PACRG: variants seen among roughly 807,000 people sequenced by gnomAD.
PACRG encodes the protein parkin coregulated gene protein.
In PACRG, 29 loss-of-function variants were observed where a neutral mutation model predicts 29.7. The ratio of observed to expected loss-of-function variants is 0.98; its 90% CI spans 0.73 to 1.33. The LOEUF is 1.33. PACRG is among the 40% of genes most tolerant of loss of function. The pLI is 0.00. For missense variants in PACRG, 279 were observed against 316.2 expected, an observed-to-expected ratio of 0.88 and a Z score of 0.89; for synonymous variants, 116 against 118.7, an observed-to-expected ratio of 0.98 and a Z score of 0.15.
Position 163,055,541 on chromosome 6 carries a change from T to G in PACRG, c.292-6609T>G, listed in dbSNP as rs1810502208. On this transcript the variant is annotated intron_variant, in intron 2 of 4. Transcript: ENST00000366888. This position sits in a 1 kb window ranked among gnomAD's most constrained non-coding sequence, Gnocchi z 4.0. ...GGAAGATATGTAAAAGGAATTTACA[T>G]ACAAAAAATCATCCTGTAGGAAGTA... 6.6e-6 allele frequency among the ~76,000 whole-genome samples: 1 copy of G among 152,212 alleles called. No individual in the cohort carries two copies. Among genetic ancestry groups the G allele is most frequent in the South Asian group, 2.1e-4 (1 of 4,838 alleles).
rs565726206 is a variant in PACRG, at chr6:163,077,436, C to T, written c.464-11823C>T. Among the ~76,000 whole-genome samples the T allele has an allele frequency of 1.1e-3, 163 of 152,190 alleles. 1 individual carries two copies. The highest frequency in any genetic ancestry group is 3.7e-3 in the African/African-American group (153 of 41,506). ...CGTGCACAGACACAGCGGAAGAAACCTGAGCAAGAACATTTTACCAAGCAA... is the reference window on the plus strand; with the variant it reads ...CGTGCACAGACACAGCGGAAGAAACTTGAGCAAGAACATTTTACCAAGCAA... On this transcript the variant is annotated intron_variant, in intron 3 of 4. Coordinates refer to ENST00000366888, the MANE Select transcript of PACRG (RefSeq NM_001080379.2).
At chr6:162,794,929 A>G (rs1785247907) in intron 1 of PACRG, among the ~76,000 whole-genome samples, 1 of 152,162 alleles carries the variant, frequency 6.6e-6, no homozygotes, top group Non-Finnish European at 1.5e-5. Context: ...TGGAAAAAAG[A>G]GAAAGTGAAT....
intron 1 of PACRG, among the ~76,000 whole-genome samples, chr6:162,731,458 A>T (rs79956583): frequency 1.1e-3 from 168 of 152,200 alleles, no homozygotes; most frequent in African/African-American, 3.9e-3. Context: ...GAGCATTTAT[A>T]TTGTTTTAGA....
At position 162,878,259 on chromosome 6, in the gene PACRG, TGA is replaced by T. The variant is rs1333751931; in HGVS notation, c.291+63981_291+63982del. 2.6e-5 allele frequency among the ~76,000 whole-genome samples: 4 copies of T among 152,216 alleles called. No individual in the cohort carries two copies. In the East Asian group the frequency reaches 7.7e-4, roughly 29 times the overall value. On this transcript the variant is annotated intron_variant, in intron 2 of 4. Transcript: ENST00000366888. ...AAAAATTGACATTATGACACAGAAA[TGA>T]GATATTAAATTATAACAACAGTTTT...
At chr6:162,941,627 C>G (rs1481974677) in intron 2 of PACRG, among the ~76,000 whole-genome samples, 1 of 152,082 alleles carries the variant, frequency 6.6e-6, no homozygotes, top group African/African-American at 2.4e-5. Flanking sequence ...CTTTAAGCCT[C>G]GCTGATTATT....
At chr6:162,947,583 C>A (rs1165596010) in intron 2 of PACRG, among the ~76,000 whole-genome samples, 1 of 42,040 alleles carries the variant, frequency 2.4e-5, no homozygotes, top group Non-Finnish European at 4.1e-5. Context: ...CATATATAAT[C>A]ATATATATAA....
At chr6:163,282,881 C>G (rs1784266334) in intron 4 of PACRG, among the ~76,000 whole-genome samples, 1 of 152,224 alleles carries the variant, frequency 6.6e-6, no homozygotes, top group African/African-American at 2.4e-5. Context: ...GCTCAATCAT[C>G]AAGCCCTTCT....
intron 2 of PACRG, among the ~76,000 whole-genome samples, chr6:162,904,040 G>A (rs1045605952): frequency 6.6e-6 from 1 of 152,198 alleles, no homozygotes; most frequent in African/African-American, 2.4e-5. Flanking sequence ...GAAATCCGCA[G>A]GGCAGACTGA....
At chr6:162,802,155 T>A (rs1463359322) in intron 1 of PACRG, among the ~76,000 whole-genome samples, 1 of 152,208 alleles carries the variant, frequency 6.6e-6, no homozygotes, top group Non-Finnish European at 1.5e-5. Flanking sequence ...GGTATTTTTA[T>A]CTCTTCTCCT....
At chr6:163,049,615 G>C (rs2128245883) in intron 2 of PACRG, among the ~76,000 whole-genome samples, 1 of 152,052 alleles carries the variant, frequency 6.6e-6, no homozygotes, top group Non-Finnish European at 1.5e-5. Context: ...CAATGCCTCA[G>C]TAGAGAAAAA....
chr6:162,778,153 G>A (rs758982891), intron 1 of PACRG, among the ~76,000 whole-genome samples: 20 of 152,166 alleles, frequency 1.3e-4, no homozygotes, highest in African/African-American at 2.4e-4. Context: ...AGAATTGCAC[G>A]ATGCACGGTG....
rs573796732 is a variant in PACRG at position 162,750,213 on chromosome 6, T to C, written c.156+21822T>C. Among the ~76,000 whole-genome samples the C allele has an allele frequency of 7.5e-4, 114 of 152,322 alleles. 2 individuals are homozygous for C. The highest frequency in any genetic ancestry group is 3.4e-3 in the Middle Eastern group (1 of 294). ...TTCACATTTTATAAGAAACCATAAATTTTATTTCAGCCTTAGGCCAACCGC... is the reference window on the plus strand; with the variant it reads ...TTCACATTTTATAAGAAACCATAAACTTTATTTCAGCCTTAGGCCAACCGC... On this transcript the variant is annotated intron_variant, in intron 1 of 4. Transcript: ENST00000366888.
intron 2 of PACRG, among the ~76,000 whole-genome samples, chr6:162,978,736 A>C (rs1046837266): frequency 1.3e-5 from 2 of 152,344 alleles, no homozygotes; most frequent in Non-Finnish European, 2.9e-5. Context: ...GAAAATAGTG[A>C]TTATAATAGA....
intron 2 of PACRG, among the ~76,000 whole-genome samples, chr6:162,932,654 T>G (rs1411540992): frequency 2.6e-5 from 4 of 151,954 alleles, no homozygotes; most frequent in African/African-American, 9.7e-5. Context: ...TTTCTAGGTT[T>G]CTAATTTGTA....
chr6:163,025,723 T>C (rs1037448394), intron 2 of PACRG, among the ~76,000 whole-genome samples: 6 of 152,186 alleles, frequency 3.9e-5, no homozygotes, highest in Non-Finnish European at 7.3e-5. Flanking sequence ...AACCAGAAGG[T>C]GCTGAGGGGC....
intron 4 of PACRG, among the ~76,000 whole-genome samples, chr6:163,300,031 AT>A (rs1784927276): frequency 2.0e-5 from 3 of 152,210 alleles, no homozygotes. Flanking sequence ...ACTAAGTGGA[AT>A]GACCTATCCG....
chr6:163,256,291 C>T (rs1276074059), intron 4 of PACRG, among the ~76,000 whole-genome samples: 1 of 152,184 alleles, frequency 6.6e-6, no homozygotes, highest in African/African-American at 2.4e-5. Flanking sequence ...GTTTAACAAA[C>T]ACATGCTGAG....
chr6:162,826,597 G>A, intron 2 of PACRG, among the ~76,000 whole-genome samples: 1 of 151,676 alleles, frequency 6.6e-6, no homozygotes, highest in East Asian at 1.9e-4. Flanking sequence ...CCAAGTAGCT[G>A]GAATTACAGG....
At chr6:162,914,260 T>C (rs1453963486) in intron 2 of PACRG, among the ~76,000 whole-genome samples, 1 of 152,118 alleles carries the variant, frequency 6.6e-6, no homozygotes, top group Non-Finnish European at 1.5e-5. Context: ...ATTGTCTATT[T>C]TTTTCCATAC....
Sources: allele counts gnomAD v4.1 joint callset (sites outside exome capture counted in the v4.1 genomes callset), GRCh38; gene constraint gnomAD v4.1.1; non-coding constraint Gnocchi (gnomAD v3.1); transcripts MANE v1.5; gene names NCBI Gene and HGNC (gene_info 2026-07-23, HGNC 2026-07-21).